Variants in RPAP2 observed in about 807,000 individuals in gnomAD.
RPAP2 encodes the protein putative RNA polymerase II subunit B1 CTD phosphatase RPAP2.
In RPAP2, 52 loss-of-function variants were observed where a neutral mutation model predicts 73.1. The observed-to-expected ratio is 0.71, with a 90% CI of 0.57 to 0.90. The LOEUF (loss-of-function observed/expected upper bound fraction) is 0.90. Ranked by LOEUF, RPAP2 falls within the 40% of genes least tolerant of loss-of-function variation. RPAP2 has a pLI of 0.00. For missense variants in RPAP2, 598 were observed against 701.8 expected (o/e 0.85, Z 1.67); for synonymous variants, 225 against 242.1 (o/e 0.93, Z 0.65).
chr1:92,301,282 G>A (rs1650837495), intron 2 of RPAP2, among the ~76,000 whole-genome samples, 194 bp from the exon 3 acceptor site: 1 of 152,302 alleles, frequency 6.6e-6, no homozygotes, highest in East Asian at 1.9e-4. Flanking sequence ...CCAGGAGCTC[G>A]AGACCAGTTT....
intron 11 of RPAP2, among the ~76,000 whole-genome samples, chr1:92,377,700 G>A (rs1232548864): frequency 6.6e-6 from 1 of 152,134 alleles, no homozygotes; most frequent in Non-Finnish European, 1.5e-5. Flanking sequence ...AAGAATGCCT[G>A]ATAGATGAGC....
intron 11 of RPAP2, among the ~76,000 whole-genome samples, chr1:92,376,416 AT>A (rs1223415760): frequency 3.3e-5 from 5 of 152,210 alleles, no homozygotes; most frequent in Non-Finnish European, 7.4e-5. Flanking sequence ...AGGAAATCTT[AT>A]TTCCTTACTG....
At position 92,390,404 on chromosome 1, in the gene RPAP2, T is replaced by G. The variant is rs1376733863; in HGVS notation, c.*3393T>G. ...AGAGCTCCTGAAGTAAGCACTAAAA[T>G]GGACAGGAACAACCAGTACCAGCCA... On this transcript the variant is annotated 3_prime_UTR_variant, in exon 13 of 13. Coordinates refer to ENST00000610020, the MANE Select transcript of RPAP2 (RefSeq NM_024813.3). The G allele has an allele frequency of 6.6e-6, 1 of 152,094 alleles. No homozygotes were observed. The highest frequency in any genetic ancestry group is 1.5e-5 in the Non-Finnish European group (1 of 68,018). The allele number at this position is 152,094 out of a possible 1,614,324, so 9.4% of individuals were successfully genotyped here. A position where few individuals can be genotyped will look rare whatever the true frequency, so the allele number is the denominator to read the frequency against.
chr1:92,346,613 T>G (rs61779189), intron 11 of RPAP2, among the ~76,000 whole-genome samples: 9,223 of 152,284 alleles, frequency 0.061, 399 homozygotes, highest in Middle Eastern at 0.11. Context: ...TTATTTTGTT[T>G]GTCAACATAC....
At chr1:92,342,237 G>A (rs75299901) in intron 10 of RPAP2, among the ~76,000 whole-genome samples, 1,953 of 152,306 alleles carry the variant, frequency 0.013, 22 homozygotes, top group Non-Finnish European at 0.02. Context: ...GTAAAGACCC[G>A]AAAGGAGGTA....
chr1:92,323,740 T>C lies in RPAP2; in HGVS notation c.820T>C (p.Leu274=), dbSNP rs746227247. The C allele has an allele frequency of 1.9e-6, 3 of 1,614,118 alleles. No homozygotes were observed. Among genetic ancestry groups the C allele is most frequent in the Non-Finnish European group, 2.5e-6 (3 of 1,179,994 alleles). The stretch of plus-strand genomic sequence containing the variant: ...GACAGTAGTAGATGTCACTGAGCAG[T>C]TAGGCGATTGCAAATTAGATAGTCA... The part of the protein sequence containing the change: ...EQTVVDVTEQ[L]GDCKLDSQEK... The change falls in exon 8 of 13, where the codon TTA becomes CTA. Residue 274 remains leucine, a synonymous_variant. Transcript: ENST00000610020.
intron 10 of RPAP2, among the ~76,000 whole-genome samples, 192 bp from the exon 11 acceptor site, chr1:92,345,654 G>A (rs1361889909): frequency 6.6e-6 from 1 of 152,016 alleles, no homozygotes; most frequent in Admixed American, 6.6e-5. Context: ...ACTTCCTTTT[G>A]AGATGGCCAT....
intron 11 of RPAP2, among the ~76,000 whole-genome samples, chr1:92,376,525 T>C (rs1655393670): frequency 6.6e-6 from 1 of 152,188 alleles, no homozygotes; most frequent in South Asian, 2.1e-4. Context: ...AGGATTGCTA[T>C]CTATTTGTTT....
chr1:92,329,284 C>A (rs1175309158), intron 8 of RPAP2, among the ~76,000 whole-genome samples: 1 of 152,150 alleles, frequency 6.6e-6, no homozygotes, highest in East Asian at 1.9e-4. Flanking sequence ...GTGGGGGTAC[C>A]ATTGTGTGAT....
At chr1:92,347,643 C>T (rs1653973877) in intron 11 of RPAP2, among the ~76,000 whole-genome samples, 2 of 152,112 alleles carry the variant, frequency 1.3e-5, no homozygotes. Flanking sequence ...ATAATAAAGG[C>T]TACCATTAAA....
At chr1:92,366,234 T>C (rs957620967) in intron 11 of RPAP2, among the ~76,000 whole-genome samples, 4 of 152,132 alleles carry the variant, frequency 2.6e-5, no homozygotes, top group African/African-American at 9.7e-5. Flanking sequence ...GCCCAGGAGT[T>C]TGAGGCTGCA....
At chr1:92,348,757 T>A (rs1458755453) in intron 11 of RPAP2, among the ~76,000 whole-genome samples, 1 of 152,198 alleles carries the variant, frequency 6.6e-6, no homozygotes, top group Admixed American at 6.5e-5. Flanking sequence ...AAAATACATA[T>A]TCATCATGTT....
At chr1:92,315,537 C>T (rs1651855708) in intron 6 of RPAP2, among the ~76,000 whole-genome samples, 1 of 152,154 alleles carries the variant, frequency 6.6e-6, no homozygotes, top group Non-Finnish European at 1.5e-5. Context: ...TAAAGGAAAG[C>T]ACAGTTAAAC....
At chr1:92,313,143 A>G (rs917593409) in intron 6 of RPAP2, among the ~76,000 whole-genome samples, 2 of 152,240 alleles carry the variant, frequency 1.3e-5, no homozygotes, top group African/African-American at 4.8e-5. Context: ...TTGGGATTAC[A>G]GGCATGAGCC....
In RPAP2 at chr1:92,299,140, G is replaced by C; in HGVS notation, c.67G>C (p.Ala23Pro). The C allele has an allele frequency of 6.6e-7, 1 of 1,515,380 alleles. No homozygotes were observed. The highest frequency in any genetic ancestry group is 1.3e-5 in the South Asian group (1 of 79,464). The allele number at this position is 1,515,380 out of a possible 1,614,324, so 93.9% of individuals were successfully genotyped here. A position where few individuals can be genotyped will look rare whatever the true frequency, so the allele number is the denominator to read the frequency against. Reference sequence around the variant, plus strand: ...CGGGGCTCCCCGCTGCTCTCGAAAAGCCGCAGGTAGGAGCAAGGATCTCTT... The same window carrying C: ...CGGGGCTCCCCGCTGCTCTCGAAAACCCGCAGGTAGGAGCAAGGATCTCTT... ...KAGAPRCSRKAAGTKQTSTLK... is the reference protein window; with the variant it reads ...KAGAPRCSRKPAGTKQTSTLK... Residue 23 changes from alanine (A) to proline (P), a missense_variant, in exon 1 of 13, where the codon GCC becomes CCC. Coordinates refer to ENST00000610020, the MANE Select transcript of RPAP2 (RefSeq NM_024813.3).
In RPAP2 at chr1:92,375,700, G is replaced by A. The variant is rs150115027; in HGVS notation, c.1689-5024G>A. 6.7e-4 allele frequency among the ~76,000 whole-genome samples: 102 copies of A among 152,140 alleles called. No homozygotes were observed. The East Asian group carries it at 0.014, about 21-fold the overall frequency. On this transcript the variant is annotated intron_variant, in intron 11 of 12. Coordinates refer to ENST00000610020, the MANE Select transcript of RPAP2 (RefSeq NM_024813.3). ...ACAAAAATTAGCTGGGTGTGGTAGC[G>A]GACGCCTATAATTCCAGCTACTCAG...
intron 11 of RPAP2, among the ~76,000 whole-genome samples, chr1:92,351,090 C>T (rs1029324517): frequency 6.6e-6 from 1 of 151,660 alleles, no homozygotes. Context: ...AGGTGGATCA[C>T]GAAGTCAGAA....
At chr1:92,310,063 G>C (rs1651500525) in intron 6 of RPAP2, among the ~76,000 whole-genome samples, 1 of 152,142 alleles carries the variant, frequency 6.6e-6, no homozygotes, top group Non-Finnish European at 1.5e-5. Context: ...TATGAGACCA[G>C]GATTCTATTT....
chr1:92,345,778 T>C, intron 10 of RPAP2, 68 bp from the exon 11 acceptor site: 2 of 974,300 alleles, frequency 2.1e-6, no homozygotes, highest in South Asian at 2.9e-5. Flanking sequence ...AATCTGATGT[T>C]ATCTAGAAAG....
Sources: gnomAD v4.1 joint callset for allele counts (sites outside exome capture counted in the v4.1 genomes callset) on GRCh38, gnomAD v4.1.1 for gene constraint, MANE v1.5 for transcripts, NCBI Gene and HGNC (gene_info 2026-07-23, HGNC 2026-07-21) for gene names.